The following HGSNAT variants were observed in gnomAD, a reference collection of about 807,000 sequenced individuals.
HGSNAT encodes the protein transmembrane protein 76.
HGSNAT carries 59 observed loss-of-function variants against 85.2 expected under a neutral mutation model. That is an observed-to-expected ratio of 0.69 (90% CI 0.56 to 0.86). The LOEUF is 0.86. Ranked by LOEUF, HGSNAT falls within the 40% of genes least tolerant of loss-of-function variation. The pLI is 0.00. For missense variants in HGSNAT, 756 were observed against 777.1 expected (o/e 0.97, Z 0.32); for synonymous variants, 321 against 304.5 (o/e 1.05, Z -0.56).
chr8:43,169,061 ATTAC>A (rs746972888), intron 5 of HGSNAT, 108 bp from the exon 6 acceptor site: 9 of 502,072 alleles, frequency 1.8e-5, no homozygotes, highest in East Asian at 3.2e-5. Flanking sequence ...AGAATGTTTA[ATTAC>A]TTAGTAATAT....
chr8:43,169,241 C>G lies in HGSNAT; in HGVS notation c.632C>G (p.Ser211Cys). Residue 211 changes from serine to cysteine, a missense_variant and splice_region_variant, in exon 6 of 18, where the codon TCT (serine) becomes TGT (cysteine). Transcript: ENST00000379644. ...CGAGAAACTGATCGCCTCATCAATT[C>G]TGTAAGTTATGAGATGCATAGTGTA... ...SSRETDRLIN[S>C]ELGSPSRTDP... 6.4e-7 allele frequency: 1 copy of G among 1,574,370 alleles called. No individual in the cohort carries two copies.
intron 8 of HGSNAT, 22 bp downstream of exon 8, chr8:43,172,408 A>G (rs202161501): frequency 6.7e-7 from 1 of 1,500,154 alleles, no homozygotes; most frequent in Non-Finnish European, 9.3e-7. Flanking sequence ...CCTAAAAGTA[A>G]TGTTGCTTAT....
chr8:43,191,621 C>T, intron 12 of HGSNAT, 26 bp downstream of exon 12: 1 of 1,612,004 alleles, frequency 6.2e-7, no homozygotes, highest in South Asian at 1.1e-5. Flanking sequence ...GGGGTCATCC[C>T]TTGTGCATGT....
At chr8:43,181,509 A>G (rs1804123297) in intron 10 of HGSNAT, 1 of 152,564 alleles carries the variant, frequency 6.6e-6, no homozygotes, top group Non-Finnish European at 1.5e-5. Flanking sequence ...CCCTCAGGCA[A>G]TATGTACTTT....
chr8:43,158,563 T>G lies in HGSNAT; in HGVS notation c.235-12T>G, dbSNP rs1309831366. On this transcript the variant is annotated splice_polypyrimidine_tract_variant and intron_variant, in intron 2 of 17. Coordinates refer to ENST00000379644, the MANE Select transcript of HGSNAT (RefSeq NM_152419.3). Reference sequence around the variant, plus strand: ...ACCTCTGGCGGTTGACCTGTTGTGCTTTTATTTACAGTGCTTGTTTCAGGT... The same window carrying G: ...ACCTCTGGCGGTTGACCTGTTGTGCGTTTATTTACAGTGCTTGTTTCAGGT... 6.2e-7 allele frequency: 1 copy of G among 1,613,854 alleles called. No homozygotes were observed. Among genetic ancestry groups the G allele is most frequent in the Non-Finnish European group, 8.5e-7 (1 of 1,179,788 alleles).
In HGSNAT at chr8:43,150,629, C is replaced by G. The variant is rs186901743; in HGVS notation, c.234+3566C>G. ...TGGGCGGATCACAAGGTCAGGAGAT[C>G]GAGACCATCCTGGCCAACACGGTGA... is the stretch of plus-strand genomic sequence containing the variant. On this transcript the variant is annotated intron_variant, in intron 2 of 17. Transcript: ENST00000379644. 2.9e-4 allele frequency among the ~76,000 whole-genome samples: 44 copies of G among 152,132 alleles called. No homozygotes were observed. In the East Asian group the frequency reaches 4.3e-3, roughly 15 times the overall value.
At chr8:43,156,886 T>C (rs1471522390) in intron 2 of HGSNAT, among the ~76,000 whole-genome samples, 2 of 152,182 alleles carry the variant, frequency 1.3e-5, no homozygotes, top group African/African-American at 4.8e-5. Context: ...TCCATCCCTT[T>C]TCTTTGAGTC....
intron 2 of HGSNAT, among the ~76,000 whole-genome samples, chr8:43,154,464 G>A (rs1283262224): frequency 6.6e-6 from 1 of 151,500 alleles, no homozygotes. Flanking sequence ...TTGTCCTTGC[G>A]ATAGTTTGCT....
intron 2 of HGSNAT, among the ~76,000 whole-genome samples, chr8:43,158,261 G>A (rs1803156044): frequency 6.6e-6 from 1 of 152,100 alleles, no homozygotes; most frequent in South Asian, 2.1e-4. Flanking sequence ...ACCACGTCCA[G>A]CTAATTTTTG....
Position 43,199,665 on chromosome 8 carries a change from G to A in HGSNAT, c.*96G>A. 1 of 939,950 alleles carries A rather than the reference G, an allele frequency of 1.1e-6. No individual in the cohort carries two copies. Among genetic ancestry groups the A allele is most frequent in the Non-Finnish European group, 1.5e-6 (1 of 672,006 alleles). The allele number at this position is 939,950 out of a possible 1,614,324, so 58.2% of individuals were successfully genotyped here. On this transcript the variant is annotated 3_prime_UTR_variant, in exon 18 of 18. Coordinates refer to ENST00000379644, the MANE Select transcript of HGSNAT (RefSeq NM_152419.3). ...AAAGGGAAGCATTCATTAGGAAATTGACTGGCTGCGTGTTTACAGACTCTG... is the reference window on the plus strand; with the variant it reads ...AAAGGGAAGCATTCATTAGGAAATTAACTGGCTGCGTGTTTACAGACTCTG...
At chr8:43,165,499 A>G (rs1803405563) in intron 5 of HGSNAT, among the ~76,000 whole-genome samples, 1 of 152,230 alleles carries the variant, frequency 6.6e-6, no homozygotes, top group Non-Finnish European at 1.5e-5. Flanking sequence ...ATCAAAAGCT[A>G]GAAATGATTA....
intron 1 of HGSNAT, among the ~76,000 whole-genome samples, chr8:43,142,887 G>T (rs1417748732): frequency 1.3e-5 from 2 of 152,186 alleles, no homozygotes; most frequent in Non-Finnish European, 1.5e-5. Context: ...ACCACCAAAG[G>T]CTTAGAGAAA....
chr8:43,198,060 C>T, intron 17 of HGSNAT, 108 bp downstream of exon 17: 1 of 750,706 alleles, frequency 1.3e-6, no homozygotes, highest in South Asian at 1.8e-5. Context: ...GCCCTAGCGG[C>T]AGGTGTCCAA....
intron 7 of HGSNAT, 96 bp from the exon 8 acceptor site, chr8:43,172,214 A>G (rs1027565225): frequency 1.1e-5 from 9 of 853,992 alleles, no homozygotes; most frequent in East Asian, 7.2e-5. Context: ...GCATTGTTGC[A>G]TGATTGCACC....
rs1804147010 is a variant in HGSNAT at position 43,182,125 on chromosome 8, C to T, written c.1013-20C>T. ...GGAGAAGTCCTGGCTAACACTTGAC[C>T]TAACTTGTGTCTTTTGCAGTGTCTT... On this transcript the variant is annotated intron_variant, in intron 10 of 17. Coordinates refer to ENST00000379644, the MANE Select transcript of HGSNAT (RefSeq NM_152419.3). 8.2e-6 allele frequency: 13 copies of T among 1,591,522 alleles called. No homozygotes were observed. The East Asian group carries it at 2.9e-4, about 36-fold the overall frequency.
chr8:43,181,950 A>C, intron 10 of HGSNAT, 195 bp from the exon 11 acceptor site: 1 of 596,986 alleles, frequency 1.7e-6, no homozygotes, highest in Admixed American at 2.9e-5. Context: ...CTCTATTAAG[A>C]GGGATTGGCC....
At chr8:43,197,998 G>A (rs533673248) in intron 17 of HGSNAT, 46 bp downstream of exon 17, 1 of 1,371,096 alleles carries the variant, frequency 7.3e-7, no homozygotes, top group Non-Finnish European at 1.0e-6. Flanking sequence ...GTGACCAGGA[G>A]GCAGGCCCAG....
chr8:43,141,228 T>G (rs945369937), intron 1 of HGSNAT, among the ~76,000 whole-genome samples: 14 of 152,052 alleles, frequency 9.2e-5, no homozygotes, highest in African/African-American at 3.4e-4. Flanking sequence ...TGCAGCCCGG[T>G]CCCGGGCGAG....
chr8:43,145,360 T>G (rs1802679487), intron 1 of HGSNAT, among the ~76,000 whole-genome samples: 1 of 152,154 alleles, frequency 6.6e-6, no homozygotes, highest in Admixed American at 6.5e-5. Context: ...TACCCCTTCA[T>G]CACCAAGGAA....
Sources: gnomAD v4.1 joint callset for allele counts (sites outside exome capture counted in the v4.1 genomes callset) on GRCh38, gnomAD v4.1.1 for gene constraint, MANE v1.5 for transcripts, NCBI Gene and HGNC (gene_info 2026-07-23, HGNC 2026-07-21) for gene names.